RTCB: variants seen among roughly 807,000 people sequenced by gnomAD.
RTCB encodes the protein RNA-splicing ligase RTCB.
RTCB carries 32 observed loss-of-function variants against 58.2 expected under a neutral mutation model. That is an observed-to-expected ratio of 0.55 (90% CI 0.41 to 0.74). The LOEUF (loss-of-function observed/expected upper bound fraction) is 0.74, where lower values mean the gene tolerates loss of function less well. RTCB is among the 30% of genes least tolerant of loss of function. RTCB has a pLI of 0.00. For synonymous variants in RTCB, 247 were observed against 218.6 expected (o/e 1.13, Z -1.15); for missense variants, 523 against 639.0 (o/e 0.82, Z 1.96).
chr22:32,387,904 G>A lies in RTCB; in HGVS notation c.*88C>T. On this transcript the variant is annotated 3_prime_UTR_variant, in exon 12 of 12. Coordinates refer to ENST00000216038, the MANE Select transcript of RTCB (RefSeq NM_014306.5). The stretch of plus-strand genomic sequence containing the variant: ...AGCTGCACACTTTGCAACTTGTCCC[G>A]CCTTGAGTCTGATGTCAGAAGAGCA... The A allele has an allele frequency of 4.5e-6, 4 of 880,534 alleles. No homozygotes were observed. The highest frequency in any genetic ancestry group is 1.5e-5 in the South Asian group (1 of 68,958). The allele number at this position is 880,534 out of a possible 1,614,324, so 54.5% of individuals were successfully genotyped here. A position where few individuals can be genotyped will look rare whatever the true frequency, so the allele number is the denominator to read the frequency against.
intron 7 of RTCB, among the ~76,000 whole-genome samples, chr22:32,396,551 A>G (rs1253859450): frequency 6.6e-6 from 1 of 152,238 alleles, no homozygotes; most frequent in African/African-American, 2.4e-5. Flanking sequence ...TCCTTTCTCA[A>G]TATGTGAATG....
intron 6 of RTCB, among the ~76,000 whole-genome samples, chr22:32,398,505 G>A (rs146962312): frequency 0.035 from 5,252 of 152,132 alleles, 284 homozygotes; most frequent in African/African-American, 0.12. Context: ...CCTAATGCAC[G>A]TGGGGCTTAA....
At chr22:32,400,358 T>C (rs28418991) in intron 5 of RTCB, among the ~76,000 whole-genome samples, 14,439 of 152,228 alleles carry the variant, frequency 0.095, 887 homozygotes, top group African/African-American at 0.17. Flanking sequence ...CAAGCTTTAA[T>C]CTTCATCCAA....
At chr22:32,407,617 A>C (rs1470716744) in intron 3 of RTCB, 3 of 152,642 alleles carry the variant, frequency 2.0e-5, no homozygotes, top group Admixed American at 1.3e-4. Flanking sequence ...TGGTGCACTG[A>C]TCCAGGAATA....
intron 7 of RTCB, among the ~76,000 whole-genome samples, chr22:32,397,560 G>A (rs1001634551): frequency 1.3e-5 from 2 of 152,172 alleles, no homozygotes; most frequent in African/African-American, 4.8e-5. Context: ...TTGCAGAGCA[G>A]GTATATGATA....
chr22:32,391,564 T>G (rs1933155084), intron 11 of RTCB, among the ~76,000 whole-genome samples: 3 of 151,932 alleles, frequency 2.0e-5, no homozygotes, highest in African/African-American at 7.3e-5. Flanking sequence ...CCCAGCTAAT[T>G]TTTGTATTTT....
At position 32,408,801 on chromosome 22, in the gene RTCB, C is replaced by CA; in HGVS notation, c.125dup (p.Glu43GlyfsTer6). ...TTAATTCCTCAAACATCAATTTCTC[C>CA]AGAGCATCATTCACATAGAAAACAC... On this transcript the variant is annotated frameshift_variant, in exon 2 of 12. Coordinates refer to ENST00000216038, the MANE Select transcript of RTCB (RefSeq NM_014306.5). LOFTEE classifies it high-confidence loss of function. The CA allele has an allele frequency of 6.2e-7, 1 of 1,613,966 alleles. No individual in the cohort carries two copies. The highest frequency in any genetic ancestry group is 1.3e-5 in the African/African-American group (1 of 75,030).
intron 6 of RTCB, among the ~76,000 whole-genome samples, chr22:32,399,271 G>A (rs969250861): frequency 1.3e-5 from 2 of 151,720 alleles, no homozygotes; most frequent in African/African-American, 4.8e-5. Flanking sequence ...TGAGTAGCTG[G>A]GATTACTTGC....
intron 11 of RTCB, among the ~76,000 whole-genome samples, chr22:32,388,989 G>A (rs1933106296): frequency 6.6e-6 from 1 of 152,144 alleles, no homozygotes; most frequent in African/African-American, 2.4e-5. Flanking sequence ...GGTGACTGCT[G>A]TTTTCCCCAA....
At chr22:32,401,090 G>T (rs1223179185) in intron 5 of RTCB, among the ~76,000 whole-genome samples, 2 of 136,736 alleles carry the variant, frequency 1.5e-5, no homozygotes, top group Non-Finnish European at 3.1e-5. Flanking sequence ...CACCTACTAA[G>T]TTTTTTTTTT....
chr22:32,389,486 T>A (rs1490250366), intron 11 of RTCB, among the ~76,000 whole-genome samples: 2 of 152,228 alleles, frequency 1.3e-5, no homozygotes, highest in Non-Finnish European at 2.9e-5. Flanking sequence ...TAATTTTTTT[T>A]ATTTTTGTAG....
intron 3 of RTCB, chr22:32,407,466 C>T (rs575781714): frequency 2.0e-5 from 3 of 152,540 alleles, no homozygotes; most frequent in East Asian, 1.9e-4. Context: ...CTTCCTCCCC[C>T]TCAGTGCTAA....
intron 1 of RTCB, among the ~76,000 whole-genome samples, chr22:32,409,818 C>CT (rs869116020): frequency 0.054 from 4,660 of 85,768 alleles, 286 homozygotes; most frequent in African/African-American, 0.2. Context: ...CTCTTATATA[C>CT]TTTTGTTTTT....
At chr22:32,395,364 A>T (rs1243225584) in intron 8 of RTCB, 150 bp from the exon 9 acceptor site, 4 of 639,110 alleles carry the variant, frequency 6.3e-6, no homozygotes, top group Non-Finnish European at 8.0e-6. Flanking sequence ...ATCTTCACGT[A>T]AAGGACAAAA....
chr22:32,411,904 G>C (rs1393763787), intron 1 of RTCB, among the ~76,000 whole-genome samples, 160 bp downstream of exon 1: 1 of 152,172 alleles, frequency 6.6e-6, no homozygotes, highest in African/African-American at 2.4e-5. Flanking sequence ...GAACAGGTTG[G>C]GCGGCCCCAG....
intron 6 of RTCB, 148 bp from the exon 7 acceptor site, chr22:32,398,248 G>A: frequency 1.2e-6 from 1 of 854,230 alleles, no homozygotes; most frequent in South Asian, 1.6e-5. Flanking sequence ...AGCTATAGAA[G>A]TGTTTCATTT....
At chr22:32,402,173 T>C (rs944754912) in intron 4 of RTCB, among the ~76,000 whole-genome samples, 1 of 152,216 alleles carries the variant, frequency 6.6e-6, no homozygotes, top group East Asian at 1.9e-4. Flanking sequence ...GCCTCTCTTT[T>C]CTTCTTGACC....
intron 4 of RTCB, among the ~76,000 whole-genome samples, chr22:32,406,340 T>C (rs1213620178): frequency 6.6e-6 from 1 of 152,056 alleles, no homozygotes. Context: ...ACATTTTTTT[T>C]TGAGATGGGG....
At chr22:32,402,952 C>T (rs1167808826) in intron 4 of RTCB, among the ~76,000 whole-genome samples, 2 of 152,068 alleles carry the variant, frequency 1.3e-5, no homozygotes, top group African/African-American at 4.8e-5. Flanking sequence ...ACCATGTTTC[C>T]TAGGCCAGTC....
Sources: allele counts gnomAD v4.1 joint callset (sites outside exome capture counted in the v4.1 genomes callset), GRCh38; gene constraint gnomAD v4.1.1; transcripts MANE v1.5; gene names NCBI Gene and HGNC (gene_info 2026-07-23, HGNC 2026-07-21).